SEPTIN14: variants seen among roughly 807,000 people sequenced by gnomAD.
SEPTIN14 encodes septin 14, also known as septin-14.
SEPTIN14 carries 40 observed loss-of-function variants against 53.6 expected under a neutral mutation model. That is an observed-to-expected ratio of 0.75 (90% CI 0.58 to 0.97). The LOEUF is 0.97. Among genes scored for constraint, SEPTIN14 ranks in the 50% least tolerant of loss-of-function variants. The probability of loss-of-function intolerance (pLI) is 0.00; values close to 1 mark genes in which losing one functional copy is unlikely to be tolerated. For missense variants in SEPTIN14, 471 were observed against 508.2 expected (o/e 0.93, Z 0.70); for synonymous variants, 138 against 166.8 (o/e 0.83, Z 1.33).
chr7:55,844,557 C>T lies in SEPTIN14; in HGVS notation c.337G>A (p.Val113Ile). Residue 113 changes from valine to isoleucine, a missense_variant, in exon 4 of 10, where the codon GTA becomes ATA. Transcript: ENST00000388975. ...TTGTCTATTTGATCACCATACCCTA[C>T]TGTCTCCACAACAGTCAATTTCAAC... ...VQLKLTVVET[V>I]GYGDQIDKEA... The T allele has an allele frequency of 6.3e-7, 1 of 1,592,864 alleles. No homozygotes were observed.
chr7:55,834,722 AAG>A, intron 5 of SEPTIN14, 136 bp from the exon 6 acceptor site: 1 of 585,698 alleles, frequency 1.7e-6, no homozygotes, highest in Non-Finnish European at 2.9e-6. Context: ...GGCTCACTGC[AAG>A]CTCCGCCTCC....
chr7:55,813,193 A>C (rs1276545271), intron 7 of SEPTIN14, among the ~76,000 whole-genome samples: 1 of 152,036 alleles, frequency 6.6e-6, no homozygotes, highest in Non-Finnish European at 1.5e-5. Context: ...CAGGTGATCC[A>C]CCCGCCTTGG....
chr7:55,811,053 A>G (rs796879676), intron 7 of SEPTIN14: 9 of 460,100 alleles, frequency 2.0e-5, no homozygotes, highest in Non-Finnish European at 2.9e-5. Context: ...CTCTTCCACT[A>G]TCATTTCATC....
At chr7:55,808,137 T>C (rs532789798) in intron 7 of SEPTIN14, among the ~76,000 whole-genome samples, 64 of 152,188 alleles carry the variant, frequency 4.2e-4, no homozygotes, top group Non-Finnish European at 6.8e-4. Context: ...AGATTTAAAC[T>C]ACACTTTAGA....
Position 55,847,095 on chromosome 7 carries a change from T to C in SEPTIN14, c.55-458A>G, listed in dbSNP as rs571302595. Among the ~76,000 whole-genome samples the C allele has an allele frequency of 2.8e-3, 424 of 152,054 alleles. 5 individuals carry two copies. Among genetic ancestry groups the C allele is most frequent in the Middle Eastern group, 0.01 (3 of 294 alleles). On this transcript the variant is annotated intron_variant, in intron 2 of 9. Coordinates refer to ENST00000388975, the MANE Select transcript of SEPTIN14 (RefSeq NM_207366.3). ...TGGTGGTGCATGCTTGTAATCCCAG[T>C]TACTCAGGAGGCTGAGGCAGGAGAA...
intron 9 of SEPTIN14, chr7:55,798,051 G>A: frequency 5.8e-6 from 1 of 171,532 alleles, no homozygotes; most frequent in Non-Finnish European, 1.3e-5. Flanking sequence ...CGGCCCACAG[G>A]CCCCTGATGC....
chr7:55,802,269 T>G (rs561734123), intron 9 of SEPTIN14, among the ~76,000 whole-genome samples: 1 of 152,128 alleles, frequency 6.6e-6, no homozygotes, highest in South Asian at 2.1e-4. Flanking sequence ...CCTCCCAGAG[T>G]GCTGGGATTA....
chr7:55,833,426 G>C (rs186673695), intron 6 of SEPTIN14, among the ~76,000 whole-genome samples: 25 of 151,722 alleles, frequency 1.6e-4, no homozygotes, highest in Admixed American at 1.1e-3. Flanking sequence ...AAATGAAATA[G>C]AGAATAAAAA....
At chr7:55,838,470 T>C (rs1019827735) in intron 5 of SEPTIN14, among the ~76,000 whole-genome samples, 2 of 151,950 alleles carry the variant, frequency 1.3e-5, no homozygotes, top group Middle Eastern at 3.2e-3. Flanking sequence ...TCTTTCCTTC[T>C]TTTTTACTTC....
At chr7:55,842,913 A>T in intron 5 of SEPTIN14, 29 bp downstream of exon 5, 1 of 1,432,624 alleles carries the variant, frequency 7.0e-7, no homozygotes, top group African/African-American at 1.5e-5. Flanking sequence ...GTCTCAAAAA[A>T]AAAAAGATGG....
At chr7:55,809,312 T>C (rs1268521101) in intron 7 of SEPTIN14, among the ~76,000 whole-genome samples, 1 of 134,236 alleles carries the variant, frequency 7.4e-6, no homozygotes, top group Non-Finnish European at 1.7e-5. Context: ...ATGCTTACTT[T>C]TTTTTTTTTT....
intron 2 of SEPTIN14, among the ~76,000 whole-genome samples, chr7:55,861,451 G>A (rs1053350323): frequency 6.6e-6 from 1 of 150,596 alleles, no homozygotes; most frequent in African/African-American, 2.4e-5. Context: ...GCAGTGAGCT[G>A]AGATCACGCC....
intron 9 of SEPTIN14, among the ~76,000 whole-genome samples, chr7:55,797,717 C>T (rs1788453451): frequency 6.6e-6 from 1 of 152,118 alleles, no homozygotes; most frequent in Non-Finnish European, 1.5e-5. Context: ...GCCTGTAATC[C>T]CAGCATTTTG....
At chr7:55,796,465 G>A (rs1487919109) in intron 9 of SEPTIN14, among the ~76,000 whole-genome samples, 1 of 151,902 alleles carries the variant, frequency 6.6e-6, no homozygotes, top group Non-Finnish European at 1.5e-5. Flanking sequence ...GTTTCACCAT[G>A]TTGGCCAGGC....
chr7:55,850,916 C>T (rs1156367701), intron 2 of SEPTIN14: 2 of 143,696 alleles, frequency 1.4e-5, no homozygotes, highest in African/African-American at 5.1e-5. Context: ...ACTAAAAATA[C>T]AAAAAAAAAA....
At chr7:55,848,607 ATT>A (rs34269322) in intron 2 of SEPTIN14, among the ~76,000 whole-genome samples, 26,222 of 110,350 alleles carry the variant, frequency 0.24, 2,629 homozygotes, top group Middle Eastern at 0.34. Context: ...ACTAACAGAG[ATT>A]TTTTTTTTTT....
intron 7 of SEPTIN14, among the ~76,000 whole-genome samples, chr7:55,809,264 G>C (rs1788657277): frequency 6.6e-6 from 1 of 151,554 alleles, no homozygotes; most frequent in African/African-American, 2.4e-5. Flanking sequence ...CTCCTTGAGG[G>C]TGGAGGGTGG....
chr7:55,801,765 C>T (rs766231071), intron 9 of SEPTIN14, among the ~76,000 whole-genome samples: 63 of 151,370 alleles, frequency 4.2e-4, no homozygotes, highest in Non-Finnish European at 2.8e-4. Context: ...ACTAAAAGTA[C>T]AAAAAAATAG....
chr7:55,859,643 A>C (rs191375169), intron 2 of SEPTIN14, among the ~76,000 whole-genome samples: 196 of 151,960 alleles, frequency 1.3e-3, no homozygotes, highest in African/African-American at 4.6e-3. Flanking sequence ...CACTTCTTTT[A>C]TCCCTCTCTC....
Sources: gnomAD v4.1 joint callset for allele counts (sites outside exome capture counted in the v4.1 genomes callset) on GRCh38, gnomAD v4.1.1 for gene constraint, MANE v1.5 for transcripts, NCBI Gene and HGNC (gene_info 2026-07-23, HGNC 2026-07-21) for gene names.